The following COG5 variants were observed in gnomAD, a reference collection of about 807,000 sequenced individuals.
The protein encoded by COG5 is component of oligomeric golgi complex 5, also known as conserved oligomeric Golgi complex subunit 5.
In COG5, 86 loss-of-function variants were observed where a neutral mutation model predicts 110.4. That is an observed-to-expected ratio of 0.78 (90% CI 0.65 to 0.93). COG5 has a LOEUF of 0.93. COG5 is among the 40% of genes least tolerant of loss of function. The pLI is 0.00. For missense variants in COG5, 1,077 were observed against 987.0 expected, an observed-to-expected ratio of 1.09 and a Z score of -1.22; for synonymous variants, 360 against 334.6, an observed-to-expected ratio of 1.08 and a Z score of -0.83.
intron 10 of COG5, among the ~76,000 whole-genome samples, chr7:107,330,688 C>T (rs1810158716): frequency 6.6e-6 from 1 of 152,158 alleles, no homozygotes; most frequent in Admixed American, 6.5e-5. Flanking sequence ...AATCCAAGGT[C>T]TACCACTTGT....
chr7:107,473,237 A>G (rs934774536), intron 6 of COG5, among the ~76,000 whole-genome samples: 1 of 151,940 alleles, frequency 6.6e-6, no homozygotes, highest in Non-Finnish European at 1.5e-5. Context: ...ATGTGATATT[A>G]AATTTCAATT....
At position 107,298,357 on chromosome 7, in the gene COG5, A is replaced by T; in HGVS notation, c.1109-11T>A. On this transcript the variant is annotated splice_polypyrimidine_tract_variant and intron_variant, in intron 11 of 21. Coordinates refer to ENST00000297135, the MANE Select transcript of COG5 (RefSeq NM_006348.5). ...TCAAAAACATCGAAGCTGCCAAGCA[A>T]AACAAGAACATGAATTAGAAAAATA... The T allele has an allele frequency of 3.1e-6, 5 of 1,601,568 alleles. No individual in the cohort carries two copies. Among genetic ancestry groups the T allele is most frequent in the Non-Finnish European group, 4.3e-6 (5 of 1,169,326 alleles).
At chr7:107,451,730 CTCTT>C (rs1795353942) in intron 6 of COG5, among the ~76,000 whole-genome samples, 1 of 152,100 alleles carries the variant, frequency 6.6e-6, no homozygotes, top group African/African-American at 2.4e-5. Context: ...AATATACTTT[CTCTT>C]TCTTATCATT....
At chr7:107,464,926 A>G (rs964148635) in intron 6 of COG5, among the ~76,000 whole-genome samples, 1 of 152,094 alleles carries the variant, frequency 6.6e-6, no homozygotes, top group Admixed American at 6.6e-5. Context: ...CTTGCATTCT[A>G]TTTGTCTAGG....
intron 6 of COG5, among the ~76,000 whole-genome samples, chr7:107,494,188 T>TTTAA (rs1233402529): frequency 6.6e-6 from 1 of 152,120 alleles, no homozygotes; most frequent in Non-Finnish European, 1.5e-5. Flanking sequence ...GTTATCAAAG[T>TTTAA]GATTTAAATT....
intron 1 of COG5, among the ~76,000 whole-genome samples, chr7:107,559,964 T>C (rs934137631): frequency 1.3e-5 from 2 of 152,230 alleles, no homozygotes; most frequent in Non-Finnish European, 2.9e-5. Flanking sequence ...ACATTTGAAA[T>C]GTTTAACCAT....
chr7:107,213,643 C>T (rs541136232), intron 19 of COG5, among the ~76,000 whole-genome samples: 3 of 152,302 alleles, frequency 2.0e-5, no homozygotes, highest in South Asian at 2.1e-4. Context: ...AGCCAGCAGC[C>T]GCATCCAAAC....
chr7:107,442,003 A>C (rs1489468948), intron 6 of COG5, among the ~76,000 whole-genome samples: 2 of 152,236 alleles, frequency 1.3e-5, no homozygotes, highest in Non-Finnish European at 2.9e-5. Flanking sequence ...TAAGGAAAGA[A>C]ATCTTACACA....
At chr7:107,339,436 A>C (rs1354733185) in intron 10 of COG5, among the ~76,000 whole-genome samples, 2 of 152,138 alleles carry the variant, frequency 1.3e-5, no homozygotes, top group Admixed American at 6.5e-5. Flanking sequence ...GGGGGCTTCA[A>C]TACCCCACTG....
chr7:107,408,818 T>C (rs903239107), intron 7 of COG5, among the ~76,000 whole-genome samples: 10 of 152,094 alleles, frequency 6.6e-5, no homozygotes, highest in Non-Finnish European at 1.5e-5. Context: ...AAAACACCAG[T>C]GGGCAGTTTC....
intron 16 of COG5, among the ~76,000 whole-genome samples, chr7:107,256,449 C>T (rs2116611907): frequency 6.6e-6 from 1 of 152,116 alleles, no homozygotes; most frequent in East Asian, 1.9e-4. Flanking sequence ...TGGAATAATA[C>T]TGGGTTGTAC....
At chr7:107,303,276 C>A (rs1807437118) in intron 11 of COG5, among the ~76,000 whole-genome samples, 1 of 151,952 alleles carries the variant, frequency 6.6e-6, no homozygotes, top group Admixed American at 6.6e-5. Context: ...CTATACAGAA[C>A]AAATTACTAC....
chr7:107,394,753 A>T (rs900633255), intron 7 of COG5, among the ~76,000 whole-genome samples: 3 of 152,208 alleles, frequency 2.0e-5, no homozygotes, highest in Non-Finnish European at 4.4e-5. Flanking sequence ...ATGAGAAATA[A>T]AATGCAAAAA....
rs867770361 is a variant in COG5 at position 107,246,508 on chromosome 7, A to G, written c.1853+1888T>C. 4.9e-3 allele frequency among the ~76,000 whole-genome samples: 747 copies of G among 152,330 alleles called. 6 individuals are homozygous for G. Among genetic ancestry groups the G allele is most frequent in the Admixed American group, 7.9e-3 (121 of 15,296 alleles). ...TCCAGAATCCATAAGGAACTTAAAC[A>G]AATTCACAAGGGAAAAACAAACAAC... On this transcript the variant is annotated intron_variant, in intron 17 of 21. Transcript: ENST00000297135.
At chr7:107,396,036 T>A (rs1255691207) in intron 7 of COG5, among the ~76,000 whole-genome samples, 1 of 152,218 alleles carries the variant, frequency 6.6e-6, no homozygotes, top group Non-Finnish European at 1.5e-5. Flanking sequence ...ACACCATACA[T>A]GTGACAACTA....
At chr7:107,559,246 T>A (rs1477885919) in intron 1 of COG5, among the ~76,000 whole-genome samples, 1 of 152,106 alleles carries the variant, frequency 6.6e-6, no homozygotes, top group Non-Finnish European at 1.5e-5. Flanking sequence ...GTTAAAAAGA[T>A]ACCCCTCAAT....
intron 6 of COG5, among the ~76,000 whole-genome samples, chr7:107,433,521 T>C (rs544429952): frequency 2.2e-4 from 34 of 152,322 alleles, no homozygotes; most frequent in African/African-American, 7.9e-4. Flanking sequence ...TATAAACCTT[T>C]ACGTGTAAGG....
At position 107,420,344 on chromosome 7, in the gene COG5, T is replaced by G. The variant is rs540446465; in HGVS notation, c.539-7712A>C. Among the ~76,000 whole-genome samples the G allele has an allele frequency of 6.3e-4, 96 of 152,370 alleles. No homozygotes were observed. The South Asian group carries it at 0.019, about 31-fold the overall frequency. The stretch of plus-strand genomic sequence containing the variant: ...ACAACTACATGTAAGTTATTAGTTA[T>G]TATTTTCATAATAGGGTATTATTCT... On this transcript the variant is annotated intron_variant, in intron 6 of 21. Transcript: ENST00000297135.
chr7:107,416,860 G>A (rs1279292089), intron 6 of COG5, among the ~76,000 whole-genome samples: 2 of 152,066 alleles, frequency 1.3e-5, no homozygotes, highest in South Asian at 2.1e-4. Context: ...ACTGGTAACT[G>A]GATAAAAGCT....
Sources: gnomAD v4.1 joint callset for allele counts (sites outside exome capture counted in the v4.1 genomes callset) on GRCh38, gnomAD v4.1.1 for gene constraint, MANE v1.5 for transcripts, NCBI Gene and HGNC (gene_info 2026-07-23, HGNC 2026-07-21) for gene names.